The following PALMD variants were observed in gnomAD, a reference collection of about 807,000 sequenced individuals.
PALMD encodes the protein paralemmin-like protein.
PALMD carries 42 observed loss-of-function variants against 56.2 expected under a neutral mutation model. The observed-to-expected ratio is 0.75, with a 90% CI of 0.58 to 0.97. PALMD has a LOEUF of 0.97. PALMD is among the 50% of genes least tolerant of loss of function. The pLI is 0.00. For missense variants in PALMD, 660 were observed against 643.8 expected, an observed-to-expected ratio of 1.03 and a Z score of -0.27; for synonymous variants, 242 against 222.9, an observed-to-expected ratio of 1.09 and a Z score of -0.76.
At chr1:99,688,276 T>C (rs183078892) in intron 6 of PALMD, among the ~76,000 whole-genome samples, 108 of 152,268 alleles carry the variant, frequency 7.1e-4, no homozygotes, top group African/African-American at 2.3e-3. Flanking sequence ...CACACCTCTA[T>C]AATTTCACCA....
chr1:99,684,374 G>T (rs1270285398), intron 3 of PALMD: 1 of 152,186 alleles, frequency 6.6e-6, no homozygotes, highest in Non-Finnish European at 1.5e-5. Context: ...CCCCTGTATT[G>T]TCTCCCACTA....
At chr1:99,666,867 G>A (rs898971347) in intron 2 of PALMD, among the ~76,000 whole-genome samples, 7 of 152,210 alleles carry the variant, frequency 4.6e-5, no homozygotes, top group South Asian at 2.1e-4. Flanking sequence ...AGGTCCAGGC[G>A]TTTAATTTCC....
At chr1:99,675,641 C>G (rs566782621) in intron 3 of PALMD, among the ~76,000 whole-genome samples, 1 of 152,312 alleles carries the variant, frequency 6.6e-6, no homozygotes, top group South Asian at 2.1e-4. Context: ...CCATAACAAA[C>G]CAATCCTTCA....
At chr1:99,655,781 C>T (rs1011473719) in intron 1 of PALMD, among the ~76,000 whole-genome samples, 5 of 152,088 alleles carry the variant, frequency 3.3e-5, no homozygotes, top group Admixed American at 1.3e-4. Flanking sequence ...TTTTGTTCTA[C>T]CCTTTTGAGG....
rs889137506 is a variant in PALMD at position 99,694,179 on chromosome 1, T to C, written c.*117T>C. 7.6e-5 allele frequency: 52 copies of C among 683,032 alleles called. No individual in the cohort carries two copies. Among genetic ancestry groups the C allele is most frequent in the Admixed American group, 2.8e-5 (1 of 35,550 alleles). The allele number at this position is 683,032 out of a possible 1,614,324, so 42.3% of individuals were successfully genotyped here. ...AGTCCAAAAAATTATCATTACAGTG[T>C]ACCATATTAAGCCATGTGAATAAGT... On this transcript the variant is annotated 3_prime_UTR_variant, in exon 8 of 8. Transcript: ENST00000263174.
At chr1:99,654,399 A>T (rs1652665801) in intron 1 of PALMD, among the ~76,000 whole-genome samples, 1 of 152,176 alleles carries the variant, frequency 6.6e-6, no homozygotes, top group South Asian at 2.1e-4. Flanking sequence ...CCAGATTTAG[A>T]TGAAGAAATG....
In PALMD at chr1:99,650,082, G is replaced by A. The variant is rs114536399; in HGVS notation, c.45+3720G>A. ...AGTGCATTGTAAGTTAAAATAGAGT[G>A]GTCAGGATGGGGTTCACAAAGAGGG... On this transcript the variant is annotated intron_variant, in intron 1 of 7. Coordinates refer to ENST00000263174, the MANE Select transcript of PALMD (RefSeq NM_017734.5). Among the ~76,000 whole-genome samples, 529 of 152,072 alleles carry A rather than the reference G, an allele frequency of 3.5e-3. 3 individuals are homozygous for A. Among genetic ancestry groups the A allele is most frequent in the Non-Finnish European group, 5.8e-3 (397 of 67,976 alleles).
chr1:99,688,888 T>G lies in PALMD; in HGVS notation c.628T>G (p.Tyr210Asp), dbSNP rs1350786542. The change falls in exon 7 of 8, where the codon TAT (tyrosine) becomes GAT (aspartate). Residue 210 changes from tyrosine to aspartate, a missense_variant. Tyr to Asp is a radical substitution (Grantham distance 160, BLOSUM62 -3). Coordinates refer to ENST00000263174, the MANE Select transcript of PALMD (RefSeq NM_017734.5). ...CTTTAAAGGTACAGGAATAAAAGTT[T>G]ATGATGATGGGCAAAAGTCAGTGTA... Reference protein sequence around the residue: ...DDFKGTGIKVYDDGQKSVYAV... With the variant: ...DDFKGTGIKVDDDGQKSVYAV... 27 of 1,613,740 alleles carry G rather than the reference T, an allele frequency of 1.7e-5. No homozygotes were observed. Among genetic ancestry groups the G allele is most frequent in the Non-Finnish European group, 2.2e-5 (26 of 1,179,724 alleles).
intron 3 of PALMD, among the ~76,000 whole-genome samples, chr1:99,674,434 C>A (rs1653158995): frequency 6.6e-6 from 1 of 152,196 alleles, no homozygotes; most frequent in East Asian, 1.9e-4. Context: ...TCATAGAAAG[C>A]TATAAATCTG....
At chr1:99,692,647 A>G (rs1653674626) in intron 7 of PALMD, among the ~76,000 whole-genome samples, 1 of 152,212 alleles carries the variant, frequency 6.6e-6, no homozygotes, top group African/African-American at 2.4e-5. Context: ...TCTTACAGTG[A>G]GGAGTGACTG....
At chr1:99,687,265 T>C (rs1653524006) in intron 6 of PALMD, 76 bp downstream of exon 6, 3 of 1,460,228 alleles carry the variant, frequency 2.1e-6, no homozygotes, top group East Asian at 4.7e-5. Flanking sequence ...CAACTTGCTA[T>C]GACATATTAT....
In PALMD at chr1:99,676,413, T is replaced by C. The variant is rs181921432; in HGVS notation, c.251+8647T>C. Reference sequence around the variant, plus strand: ...CACTTTTTAAAAATTTTTGTAGATGTAGGGGGTACAAGTGCAGTTTTGTTA... The same window carrying C: ...CACTTTTTAAAAATTTTTGTAGATGCAGGGGGTACAAGTGCAGTTTTGTTA... On this transcript the variant is annotated intron_variant, in intron 3 of 7. Transcript: ENST00000263174. Among the ~76,000 whole-genome samples, 8 of 152,284 alleles carry C rather than the reference T, an allele frequency of 5.3e-5. No individual in the cohort carries two copies. The East Asian group carries it at 1.3e-3, about 26-fold the overall frequency.
intron 1 of PALMD, 141 bp downstream of exon 1, chr1:99,646,503 T>C (rs943510161): frequency 4.3e-6 from 3 of 694,010 alleles, no homozygotes; most frequent in African/African-American, 1.8e-5. Context: ...GTTTCTCTCT[T>C]AACCCTCATG....
intron 3 of PALMD, chr1:99,685,786 A>G (rs1232792487): frequency 6.6e-6 from 1 of 152,200 alleles, no homozygotes; most frequent in African/African-American, 2.4e-5. Context: ...GCCTTAGTGT[A>G]TTTGGCTGAG....
intron 1 of PALMD, 57 bp downstream of exon 1, chr1:99,646,419 G>A (rs527753006): frequency 9.9e-5 from 135 of 1,369,148 alleles, no homozygotes; most frequent in Non-Finnish European, 1.2e-4. Flanking sequence ...AAGGCAGACC[G>A]TGGCCGGCTG....
At chr1:99,659,773 T>A (rs1447635585) in intron 1 of PALMD, among the ~76,000 whole-genome samples, 2 of 152,332 alleles carry the variant, frequency 1.3e-5, no homozygotes. Flanking sequence ...AAAGTATGCC[T>A]ATCTTAAAAT....
chr1:99,676,924 T>C (rs1283865847), intron 3 of PALMD, among the ~76,000 whole-genome samples: 1 of 152,210 alleles, frequency 6.6e-6, no homozygotes, highest in Non-Finnish European at 1.5e-5. Context: ...AGTAGTAATT[T>C]ATCTGCCTAT....
At chr1:99,657,022 A>G (rs992678101) in intron 1 of PALMD, among the ~76,000 whole-genome samples, 10 of 152,152 alleles carry the variant, frequency 6.6e-5, no homozygotes, top group African/African-American at 1.9e-4. Context: ...TATCAGACTG[A>G]TCCAAAATAA....
intron 2 of PALMD, among the ~76,000 whole-genome samples, chr1:99,664,432 T>G (rs1557669148): frequency 6.6e-6 from 1 of 152,164 alleles, no homozygotes; most frequent in Non-Finnish European, 1.5e-5. Context: ...GCTATGAAGC[T>G]AGACACTAAG....
Sources: allele counts gnomAD v4.1 joint callset (sites outside exome capture counted in the v4.1 genomes callset), GRCh38; gene constraint gnomAD v4.1.1; transcripts MANE v1.5; gene names NCBI Gene and HGNC (gene_info 2026-07-23, HGNC 2026-07-21).